Variants in GRM7 observed in about 807,000 individuals in gnomAD.
GRM7 encodes glutamate metabotropic receptor 7.
In GRM7, 35 loss-of-function variants were observed where a neutral mutation model predicts 84.5. That is an observed-to-expected ratio of 0.41 (90% CI 0.32 to 0.55). GRM7 has a LOEUF of 0.55. Ranked by LOEUF, GRM7 falls within the 20% of genes least tolerant of loss-of-function variation. GRM7 has a pLI of 0.19. For synonymous variants in GRM7, 487 were observed against 455.1 expected (o/e 1.07, Z -0.89); for missense variants, 1,003 against 1,194.6 (o/e 0.84, Z 2.36).
intron 1 of GRM7, among the ~76,000 whole-genome samples, chr3:6,898,708 G>A (rs933814895): frequency 5.3e-5 from 8 of 151,852 alleles, no homozygotes; most frequent in Admixed American, 4.6e-4. Flanking sequence ...ACCAGGTGTG[G>A]TGGTACCAAC....
intron 7 of GRM7, among the ~76,000 whole-genome samples, chr3:7,565,415 C>T (rs914561591): frequency 4.6e-5 from 7 of 152,036 alleles, no homozygotes; most frequent in Admixed American, 2.6e-4. Flanking sequence ...AATTACAAAT[C>T]GTAATTACAA....
chr3:7,055,177 A>G (rs1022370797), intron 1 of GRM7, among the ~76,000 whole-genome samples: 2 of 151,758 alleles, frequency 1.3e-5, no homozygotes, highest in Non-Finnish European at 1.5e-5. Flanking sequence ...CAAACAATCT[A>G]TTGGGATTTT....
intron 2 of GRM7, among the ~76,000 whole-genome samples, chr3:7,251,244 A>C (rs2124939377): frequency 6.6e-6 from 1 of 152,272 alleles, no homozygotes; most frequent in South Asian, 2.1e-4. Context: ...AGTGTGAATA[A>C]CCAGAAAGAA....
chr3:7,417,705 GA>G (rs1306818313), intron 5 of GRM7, among the ~76,000 whole-genome samples: 5 of 152,100 alleles, frequency 3.3e-5, no homozygotes, highest in Non-Finnish European at 7.4e-5. Flanking sequence ...CTCTGCTAAA[GA>G]AAAAGGAAGT....
At chr3:7,229,753 A>ATTTTTTTT (rs1179627514) in intron 2 of GRM7, among the ~76,000 whole-genome samples, 8 of 29,290 alleles carry the variant, frequency 2.7e-4, no homozygotes, top group East Asian at 3.0e-3. Context: ...ATATATATAT[A>ATTTTTTTT]TATATATTTT....
intron 9 of GRM7, among the ~76,000 whole-genome samples, chr3:7,695,563 C>T (rs1440900230): frequency 1.3e-5 from 2 of 152,126 alleles, no homozygotes; most frequent in African/African-American, 4.8e-5. Context: ...GTTAATAAAT[C>T]AGCCATGATC....
At chr3:7,624,459 T>A (rs1490708244) in intron 8 of GRM7, among the ~76,000 whole-genome samples, 3 of 149,496 alleles carry the variant, frequency 2.0e-5, no homozygotes, top group Non-Finnish European at 4.5e-5. Context: ...TACATACATA[T>A]AAATAATCAA....
At chr3:6,887,012 C>T (rs189937402) in intron 1 of GRM7, among the ~76,000 whole-genome samples, 17 of 151,926 alleles carry the variant, frequency 1.1e-4, no homozygotes, top group Admixed American at 8.5e-4. Flanking sequence ...TATCATTCTA[C>T]CTCTGAATTT....
At chr3:6,865,279 T>A (rs948585142) in intron 1 of GRM7, among the ~76,000 whole-genome samples, 4 of 152,214 alleles carry the variant, frequency 2.6e-5, no homozygotes, top group African/African-American at 9.6e-5. Flanking sequence ...AGAGTTGGGA[T>A]GGCTGGAAGT....
intron 1 of GRM7, among the ~76,000 whole-genome samples, chr3:7,124,808 C>G (rs1229269532): frequency 6.6e-6 from 1 of 152,042 alleles, no homozygotes; most frequent in Non-Finnish European, 1.5e-5. Flanking sequence ...AATATAATGT[C>G]TTGTATTCAT....
At chr3:7,186,382 TA>T (rs1227675383) in intron 2 of GRM7, among the ~76,000 whole-genome samples, 1 of 152,172 alleles carries the variant, frequency 6.6e-6, no homozygotes, top group Non-Finnish European at 1.5e-5. Context: ...TACAGTGGAT[TA>T]AAAAATGTTA....
intron 2 of GRM7, among the ~76,000 whole-genome samples, chr3:7,207,407 T>G (rs1166521577): frequency 1.3e-5 from 2 of 152,198 alleles, no homozygotes; most frequent in Non-Finnish European, 2.9e-5. Flanking sequence ...AAATTTCATT[T>G]AATGCCATCT....
chr3:7,166,083 C>G (rs17824956), intron 2 of GRM7, among the ~76,000 whole-genome samples: 612 of 152,204 alleles, frequency 4.0e-3, no homozygotes, highest in Non-Finnish European at 6.9e-3. Context: ...GTTATGGTGT[C>G]AGTTTCAGAA....
At chr3:7,592,473 G>A (rs556070768) in intron 8 of GRM7, among the ~76,000 whole-genome samples, 2 of 152,290 alleles carry the variant, frequency 1.3e-5, no homozygotes, top group East Asian at 3.9e-4. Context: ...GAAATGACTA[G>A]AAGAGTAGTG....
intron 8 of GRM7, among the ~76,000 whole-genome samples, chr3:7,594,553 G>A (rs1426315251): frequency 1.3e-5 from 2 of 152,116 alleles, no homozygotes; most frequent in African/African-American, 4.8e-5. Flanking sequence ...CATCCTCTAT[G>A]TAAATACAAA....
intron 5 of GRM7, among the ~76,000 whole-genome samples, chr3:7,451,248 G>C (rs1196931167): frequency 6.6e-6 from 1 of 152,170 alleles, no homozygotes; most frequent in Non-Finnish European, 1.5e-5. Context: ...GTATCTACTG[G>C]ATGCTAAAGG....
At chr3:7,467,431 C>T (rs1395768615) in intron 7 of GRM7, among the ~76,000 whole-genome samples, 1 of 152,102 alleles carries the variant, frequency 6.6e-6, no homozygotes, top group Non-Finnish European at 1.5e-5. Context: ...GGGTGTTTCC[C>T]AAGTCCAGGA....
chr3:6,863,906 G>A lies in GRM7; in HGVS notation c.519+1999G>A, dbSNP rs1194971893. Among the ~76,000 whole-genome samples the A allele has an allele frequency of 6.6e-6, 1 of 152,168 alleles. No homozygotes were observed. The highest frequency in any genetic ancestry group is 1.5e-5 in the Non-Finnish European group (1 of 68,032). ...GAGTGAAATGTTAAAGTCAAGAAAG[G>A]GGTTACAGACTAGGCTGAGGGACTG... On this transcript the variant is annotated intron_variant, in intron 1 of 9. Coordinates refer to ENST00000357716, the MANE Select transcript of GRM7 (RefSeq NM_000844.4). This position sits in a 1 kb window ranked among gnomAD's most constrained non-coding sequence, Gnocchi z 4.8.
chr3:7,438,673 G>A lies in GRM7; in HGVS notation c.1175-13934G>A, dbSNP rs146913096. Among the ~76,000 whole-genome samples the A allele has an allele frequency of 2.7e-3, 412 of 152,168 alleles. 2 individuals carry two copies. The highest frequency in any genetic ancestry group is 9.1e-3 in the African/African-American group (380 of 41,536). ...ACGGAGGTAGCCAGACCAATAAACA[G>A]CAACACCAAACCACCCTCCTGCCCT... On this transcript the variant is annotated intron_variant, in intron 5 of 9. Coordinates refer to ENST00000357716, the MANE Select transcript of GRM7 (RefSeq NM_000844.4).
Sources: gnomAD v4.1 joint callset for allele counts (sites outside exome capture counted in the v4.1 genomes callset) on GRCh38, gnomAD v4.1.1 for gene constraint, Gnocchi (gnomAD v3.1) non-coding constraint, MANE v1.5 for transcripts, NCBI Gene and HGNC (gene_info 2026-07-23, HGNC 2026-07-21) for gene names.